The following RORC variants were observed in gnomAD, a reference collection of about 807,000 sequenced individuals.
RORC encodes RAR related orphan receptor C.
RORC carries 13 observed loss-of-function variants against 64.5 expected under a neutral mutation model. The observed-to-expected ratio is 0.20, with a 90% CI of 0.13 to 0.32. The LOEUF is 0.32. RORC is among the 10% of genes least tolerant of loss of function. RORC has a pLI of 1.00. For synonymous variants in RORC, 277 were observed against 259.3 expected (o/e 1.07, Z -0.65); for missense variants, 468 against 669.5 (o/e 0.70, Z 3.32).
intron 2 of RORC, among the ~76,000 whole-genome samples, chr1:151,827,605 C>A (rs1167413083): frequency 6.6e-6 from 1 of 152,180 alleles, no homozygotes; most frequent in Non-Finnish European, 1.5e-5. Flanking sequence ...CTGGGGGAGG[C>A]CTTAATGTCT....
chr1:151,814,252 A>T, intron 6 of RORC: 1 of 265,418 alleles, frequency 3.8e-6, no homozygotes, highest in Non-Finnish European at 7.2e-6. Context: ...ACAAATGGTA[A>T]TCAGGGTTCT....
intron 2 of RORC, among the ~76,000 whole-genome samples, chr1:151,825,219 G>A (rs987345795): frequency 1.4e-4 from 22 of 152,010 alleles, no homozygotes; most frequent in African/African-American, 5.3e-4. Context: ...TTGCTTCCCC[G>A]GTCAAATGGG....
At chr1:151,828,984 A>T (rs1355958662) in intron 2 of RORC, among the ~76,000 whole-genome samples, 2 of 150,640 alleles carry the variant, frequency 1.3e-5, no homozygotes. Context: ...GTCTCAAAAA[A>T]AAAAAAAAAA....
intron 10 of RORC, among the ~76,000 whole-genome samples, chr1:151,809,310 C>G (rs1401133928): frequency 6.6e-6 from 1 of 152,122 alleles, no homozygotes; most frequent in Non-Finnish European, 1.5e-5. Context: ...AGGACAATCG[C>G]TTGAACCTGG....
Position 151,806,624 on chromosome 1 carries a change from AAG to A in RORC, c.*846_*847del, listed in dbSNP as rs1046423510. On this transcript the variant is annotated 3_prime_UTR_variant, in exon 11 of 11. Transcript: ENST00000318247. ...TCCTCCAAGCTGTGGCCTCAAGGAT[AAG>A]AGAGATTGTGTCAGGTTCATGTGTC... is the stretch of plus-strand genomic sequence containing the variant. 6.6e-6 allele frequency: 1 copy of A among 152,216 alleles called. No homozygotes were observed. The highest frequency in any genetic ancestry group is 2.4e-5 in the African/African-American group (1 of 41,428). The allele number at this position is 152,216 out of a possible 1,614,324, so 9.4% of individuals were successfully genotyped here. A position where few individuals can be genotyped will look rare whatever the true frequency, so the allele number is the denominator to read the frequency against.
Position 151,815,411 on chromosome 1 carries a change from G to A in RORC, c.313C>T (p.Arg105Cys), listed in dbSNP as rs1651720413. The part of the protein sequence containing the change: ...GMSRDAVKFG[R>C]MSKKQRDSLH... ...CTGTCCCTCTGCTTCTTGGACATGCGGCCGAACTTGACAGCTGAAAGAGGT... is the reference window on the plus strand; with the variant it reads ...CTGTCCCTCTGCTTCTTGGACATGCAGCCGAACTTGACAGCTGAAAGAGGT... Residue 105 changes from arginine to cysteine, a missense_variant, in exon 5 of 11, where the codon CGC becomes TGC. Physicochemically the swap from Arg to Cys is radical, Grantham distance 180. Coordinates refer to ENST00000318247, the MANE Select transcript of RORC (RefSeq NM_005060.4). The A allele has an allele frequency of 2.0e-6, 3 of 1,530,262 alleles. No homozygotes were observed. The highest frequency in any genetic ancestry group is 2.6e-6 in the Non-Finnish European group (3 of 1,138,422). The allele number at this position is 1,530,262 out of a possible 1,614,324, so 94.8% of individuals were successfully genotyped here.
chr1:151,825,950 C>T, intron 2 of RORC: 1 of 1,613,434 alleles, frequency 6.2e-7, no homozygotes, highest in Non-Finnish European at 8.5e-7. Context: ...TGAGCCTTGG[C>T]TCTGCCGGCC....
intron 10 of RORC, among the ~76,000 whole-genome samples, chr1:151,808,132 G>A (rs1242578397): frequency 5.3e-5 from 8 of 152,172 alleles, no homozygotes; most frequent in Non-Finnish European, 1.2e-4. Flanking sequence ...CAGGAAAATG[G>A]TCCAATTTGT....
chr1:151,816,736 C>A lies in RORC; in HGVS notation c.226G>T (p.Asp76Tyr). The change falls in exon 4 of 11, where the codon GAC becomes TAC. Residue 76 changes from aspartate (D) to tyrosine (Y), a missense_variant. Coordinates refer to ENST00000318247, the MANE Select transcript of RORC (RefSeq NM_005060.4). ...SCTRQQNCPI[D>Y]RTSRNRCQHC... Reference sequence around the variant, plus strand: ...TGGCATCGGTTTCGGCTGGTGCGGTCGATGGGGCAGTTCTGCTGACGGGTG... The same window carrying A: ...TGGCATCGGTTTCGGCTGGTGCGGTAGATGGGGCAGTTCTGCTGACGGGTG... 1 of 1,598,362 alleles carries A rather than the reference C, an allele frequency of 6.3e-7. No individual in the cohort carries two copies. The highest frequency in any genetic ancestry group is 8.5e-7 in the Non-Finnish European group (1 of 1,172,202).
chr1:151,825,291 C>A (rs528813021), intron 2 of RORC, among the ~76,000 whole-genome samples: 1 of 152,262 alleles, frequency 6.6e-6, no homozygotes, highest in East Asian at 1.9e-4. Context: ...CACGCACACA[C>A]ACACATGCAC....
At chr1:151,813,210 C>A (rs1275999786) in intron 8 of RORC, 29 bp downstream of exon 8, 2 of 1,596,240 alleles carry the variant, frequency 1.3e-6, no homozygotes, top group Non-Finnish European at 1.7e-6. Flanking sequence ...GCATCAGAAT[C>A]TTCCCTCTCA....
chr1:151,814,831 G>A (rs2101658336), intron 5 of RORC, 82 bp downstream of exon 5: 1 of 1,555,418 alleles, frequency 6.4e-7, no homozygotes, highest in Non-Finnish European at 8.7e-7. Context: ...AATTCCCTCA[G>A]GCGCATGTTT....
chr1:151,827,332 C>G (rs1371811097), intron 2 of RORC, among the ~76,000 whole-genome samples: 1 of 152,142 alleles, frequency 6.6e-6, no homozygotes, highest in Non-Finnish European at 1.5e-5. Flanking sequence ...GTGTCTCAGC[C>G]TGGGAGGTCC....
In RORC at chr1:151,806,396, G is replaced by A. The variant is rs201105815; in HGVS notation, c.*1076C>T. On this transcript the variant is annotated 3_prime_UTR_variant, in exon 11 of 11. Transcript: ENST00000318247. Reference sequence around the variant, plus strand: ...AGAGCAGGGCTGGCGGGCAGGCCAGGAAAGTCCTCCAGGATCTGATCTTGC... The same window carrying A: ...AGAGCAGGGCTGGCGGGCAGGCCAGAAAAGTCCTCCAGGATCTGATCTTGC... 2 of 153,444 alleles carry A rather than the reference G, an allele frequency of 1.3e-5. No homozygotes were observed. The highest frequency in any genetic ancestry group is 2.4e-5 in the African/African-American group (1 of 41,452). The allele number at this position is 153,444 out of a possible 1,614,324, so 9.5% of individuals were successfully genotyped here.
chr1:151,819,681 C>T (rs1399415836), intron 2 of RORC, among the ~76,000 whole-genome samples: 1 of 152,226 alleles, frequency 6.6e-6, no homozygotes, highest in Non-Finnish European at 1.5e-5. Flanking sequence ...GTGCTGACCA[C>T]ATGGTGACCC....
rs1042295993 is a variant in RORC at position 151,815,282 on chromosome 1, T to C, written c.442A>G (p.Thr148Ala). 13 of 1,610,406 alleles carry C rather than the reference T, an allele frequency of 8.1e-6. No homozygotes were observed. The Admixed American group carries it at 1.2e-4, about 15-fold the overall frequency. The change falls in exon 5 of 11, where the codon ACC becomes GCC. Residue 148 changes from threonine (T) to alanine (A), a missense_variant. Around this residue, in one of 5 missense-constraint regions of RORC, gnomAD observed 241 missense variants for 295.5 expected, o/e 0.82. Transcript: ENST00000318247. ...PAGAQGADTL[T>A]YTLGLPDGQL... ...CCGTCTGGGAGCCCCAAGGTGTAGG[T>C]GAGGGTATCTGCTCCTTGGGCCCCT...
intron 2 of RORC, among the ~76,000 whole-genome samples, chr1:151,819,561 G>A (rs570826389): frequency 6.6e-6 from 1 of 152,172 alleles, no homozygotes; most frequent in Non-Finnish European, 1.5e-5. Flanking sequence ...AAAGTAAGCG[G>A]GAGGGAGATT....
At chr1:151,808,426 AC>A (rs1651396768) in intron 10 of RORC, among the ~76,000 whole-genome samples, 1 of 152,202 alleles carries the variant, frequency 6.6e-6, no homozygotes, top group Non-Finnish European at 1.5e-5. Flanking sequence ...CTCCTCTACA[AC>A]CAAGAGGCTT....
intron 2 of RORC, chr1:151,825,896 G>T: frequency 1.2e-6 from 2 of 1,613,006 alleles, no homozygotes; most frequent in East Asian, 2.2e-5. Flanking sequence ...CAGGGTCCAG[G>T]CTCCCCCGCC....
Sources: gnomAD v4.1 joint callset for allele counts (sites outside exome capture counted in the v4.1 genomes callset) on GRCh38, gnomAD v4.1.1 for gene constraint, gnomAD v4.1.1 regional missense constraint, MANE v1.5 for transcripts, NCBI Gene and HGNC (gene_info 2026-07-23, HGNC 2026-07-21) for gene names.